The following THSD7B variants were observed in gnomAD, a reference collection of about 807,000 sequenced individuals.
THSD7B encodes thrombospondin type-1 domain-containing protein 7B.
THSD7B carries 138 observed loss-of-function variants against 213.6 expected under a neutral mutation model. That is an observed-to-expected ratio of 0.65 (90% confidence interval 0.56 to 0.74). The LOEUF (loss-of-function observed/expected upper bound fraction) is 0.74. Among genes scored for constraint, THSD7B ranks in the 30% least tolerant of loss-of-function variants. The pLI is 0.00. For synonymous variants in THSD7B, 742 were observed against 687.0 expected, an observed-to-expected ratio of 1.08 and a Z score of -1.25; for missense variants, 1,931 against 1,991.5, an observed-to-expected ratio of 0.97 and a Z score of 0.58.
intron 26 of THSD7B, 136 bp downstream of exon 26, chr2:137,663,711 G>A: frequency 1.3e-6 from 1 of 782,426 alleles, no homozygotes; most frequent in Non-Finnish European, 2.0e-6. Context: ...ATAATTCAGG[G>A]TTTCTCAGAT....
intron 7 of THSD7B, among the ~76,000 whole-genome samples, chr2:137,213,030 T>TAAA (rs59100734): frequency 0.29 from 36,825 of 126,166 alleles, 5,701 homozygotes; most frequent in Non-Finnish European, 0.35. Context: ...ATCTGTATGC[T>TAAA]AAAAAAAAAA....
At chr2:137,227,777 T>G (rs189757607) in intron 7 of THSD7B, among the ~76,000 whole-genome samples, 203 of 152,276 alleles carry the variant, frequency 1.3e-3, no homozygotes, top group Non-Finnish European at 2.2e-3. Flanking sequence ...AAACTGTTAA[T>G]TGTCATTTGT....
intron 2 of THSD7B, among the ~76,000 whole-genome samples, chr2:137,025,044 A>G (rs889243219): frequency 1.3e-5 from 2 of 152,116 alleles, no homozygotes; most frequent in African/African-American, 4.8e-5. Flanking sequence ...CAGCAGCCAC[A>G]AGGATGAAGT....
intron 12 of THSD7B, among the ~76,000 whole-genome samples, chr2:137,320,699 T>C (rs1017465934): frequency 2.0e-5 from 3 of 152,230 alleles, no homozygotes. Flanking sequence ...TAAAAAGTGC[T>C]TACAAAGGTG....
intron 1 of THSD7B, among the ~76,000 whole-genome samples, chr2:136,779,150 A>G (rs1408066855): frequency 6.6e-6 from 1 of 151,594 alleles, no homozygotes; most frequent in African/African-American, 2.4e-5. Flanking sequence ...ATTTCTCCAT[A>G]ATTATTATCC....
intron 15 of THSD7B, among the ~76,000 whole-genome samples, chr2:137,549,308 C>CTTTTTTTTTTTTTTTTTTTTTTTTTT (rs1680797969): frequency 1.0e-5 from 1 of 100,178 alleles, no homozygotes; most frequent in Non-Finnish European, 1.9e-5. Flanking sequence ...TTTTCAGATG[C>CTTTTTTTTTTTTTTTTTTTTTTTTTT]TCTTTTTTTT....
chr2:137,641,496 AC>A (rs1441397845), intron 20 of THSD7B, among the ~76,000 whole-genome samples: 1 of 152,268 alleles, frequency 6.6e-6, no homozygotes, highest in African/African-American at 2.4e-5. Flanking sequence ...CTTTATAACA[AC>A]ACTGGAAGTC....
chr2:136,892,990 G>A (rs1332614095), intron 2 of THSD7B, among the ~76,000 whole-genome samples: 2 of 152,090 alleles, frequency 1.3e-5, no homozygotes, highest in African/African-American at 4.8e-5. Flanking sequence ...CCTTTACTGA[G>A]TTATATCATT....
At chr2:137,259,851 ATTC>A (rs900674368) in intron 10 of THSD7B, among the ~76,000 whole-genome samples, 15 of 152,106 alleles carry the variant, frequency 9.9e-5, no homozygotes, top group African/African-American at 2.7e-4. Context: ...ATATTTCAGT[ATTC>A]TTCTTCTAGA....
chr2:137,435,300 G>T (rs1343377205), intron 14 of THSD7B, among the ~76,000 whole-genome samples: 1 of 152,130 alleles, frequency 6.6e-6, no homozygotes, highest in East Asian at 1.9e-4. Flanking sequence ...TAGGCACTCT[G>T]CCCAGGACTT....
At chr2:137,281,194 A>T (rs895915684) in intron 12 of THSD7B, among the ~76,000 whole-genome samples, 1 of 152,048 alleles carries the variant, frequency 6.6e-6, no homozygotes, top group African/African-American at 2.4e-5. Flanking sequence ...TTCTTCTTTA[A>T]TTAGTTTTTG....
chr2:137,150,533 T>C (rs887141819), intron 5 of THSD7B, among the ~76,000 whole-genome samples: 2 of 152,146 alleles, frequency 1.3e-5, no homozygotes, highest in Admixed American at 6.5e-5. Context: ...GTTGCTGCCA[T>C]GTGAAGAAGG....
intron 1 of THSD7B, among the ~76,000 whole-genome samples, chr2:136,802,274 A>G (rs1682196690): frequency 6.6e-6 from 1 of 152,102 alleles, no homozygotes. Context: ...CAGAGACAAT[A>G]TAATCCCGTG....
At chr2:137,433,294 A>G (rs997119105) in intron 14 of THSD7B, among the ~76,000 whole-genome samples, 1 of 152,170 alleles carries the variant, frequency 6.6e-6, no homozygotes, top group African/African-American at 2.4e-5. Flanking sequence ...TCTTTTGGAC[A>G]CAAAAGATGC....
chr2:137,575,725 CAT>C lies in THSD7B; in HGVS notation c.3423+3186_3423+3187del, dbSNP rs1223981117. On this transcript the variant is annotated intron_variant, in intron 17 of 27. Coordinates refer to ENST00000409968, the MANE Select transcript of THSD7B (RefSeq NM_001316349.2). ...TGTTTTTTCTTATTCCCATAACACA[CAT>C]ATATATATATATATATTTTTACTTT... Among the ~76,000 whole-genome samples, 1,098 of 110,730 alleles carry C rather than the reference CAT, an allele frequency of 9.9e-3. 11 individuals are homozygous for C. The highest frequency in any genetic ancestry group is 0.014 in the Admixed American group (137 of 9,900). 72.6% of individuals were successfully genotyped at this position (110,730 alleles called of 152,430 possible). A position where few individuals can be genotyped will look rare whatever the true frequency, so the allele number is the denominator to read the frequency against.
intron 12 of THSD7B, among the ~76,000 whole-genome samples, chr2:137,386,073 G>C (rs951147594): frequency 6.6e-6 from 1 of 152,114 alleles, no homozygotes; most frequent in Non-Finnish European, 1.5e-5. Context: ...TGAGTAGCAT[G>C]AGCAGGAAAC....
In THSD7B at chr2:137,380,373, G is replaced by A. The variant is rs560956983; in HGVS notation, c.2501-25240G>A. ...GCATTTGTTTAAAAGACAGCATAGAGTTAGTCTTCTTTTCCAGGACATAGG... is the reference window on the plus strand; with the variant it reads ...GCATTTGTTTAAAAGACAGCATAGAATTAGTCTTCTTTTCCAGGACATAGG... On this transcript the variant is annotated intron_variant, in intron 12 of 27. Coordinates refer to ENST00000409968, the MANE Select transcript of THSD7B (RefSeq NM_001316349.2). 1.0e-3 allele frequency among the ~76,000 whole-genome samples: 157 copies of A among 152,248 alleles called. 1 individual carries two copies. Among genetic ancestry groups the A allele is most frequent in the Non-Finnish European group, 1.9e-3 (129 of 68,012 alleles).
chr2:136,946,708 G>A (rs1164090531), intron 2 of THSD7B, among the ~76,000 whole-genome samples: 2 of 152,218 alleles, frequency 1.3e-5, no homozygotes. Context: ...CCCTCCGCCT[G>A]CTGGGCTGCT....
At chr2:137,476,222 T>A (rs2105098798) in intron 15 of THSD7B, among the ~76,000 whole-genome samples, 1 of 152,280 alleles carries the variant, frequency 6.6e-6, no homozygotes, top group African/African-American at 2.4e-5. Context: ...TATTATAGCA[T>A]CCTGTTGAAT....
Sources: allele counts gnomAD v4.1 joint callset (sites outside exome capture counted in the v4.1 genomes callset), GRCh38; gene constraint gnomAD v4.1.1; transcripts MANE v1.5; gene names NCBI Gene and HGNC (gene_info 2026-07-23, HGNC 2026-07-21).